TRPM2: variants seen among roughly 807,000 people sequenced by gnomAD.
TRPM2 encodes the protein transient receptor potential cation channel subfamily M member 2, also known as estrogen-responsive element-associated gene 1 protein.
In TRPM2, 161 loss-of-function variants were observed where a neutral mutation model predicts 174.0. The observed-to-expected ratio is 0.93, with a 90% CI of 0.81 to 1.05. TRPM2 has a LOEUF of 1.05. Ranked by LOEUF, TRPM2 falls within the 50% of genes least tolerant of loss-of-function variation. The probability of loss-of-function intolerance (pLI) is 0.00; values close to 1 mark genes in which losing one functional copy is unlikely to be tolerated. For missense variants in TRPM2, 2,057 were observed against 2,038.0 expected (o/e 1.01, Z -0.18); for synonymous variants, 954 against 861.3 (o/e 1.11, Z -1.88).
Position 44,425,713 on chromosome 21 carries a change from C to T in TRPM2, c.3681C>T (p.Gly1227=), listed in dbSNP as rs765132667. The T allele has an allele frequency of 1.9e-6, 3 of 1,563,870 alleles. No individual in the cohort carries two copies. The highest frequency in any genetic ancestry group is 1.2e-5 in the South Asian group (1 of 86,570). The change falls in exon 25 of 32, where the codon GGC becomes GGT. Residue 1227 remains glycine (G), a synonymous_variant. Coordinates refer to ENST00000397928, the MANE Select transcript of TRPM2 (RefSeq NM_003307.4). The stretch of plus-strand genomic sequence containing the variant: ...AGGAGCCGGATGCTGAGCCGGGAGG[C>T]AGGAAGAAGACGGAGGAGCCGGGCG... ...AAEEPDAEPG[G]RKKTEEPGDS...
At chr21:44,398,481 G>A (rs772151245) in intron 13 of TRPM2, among the ~76,000 whole-genome samples, 8 of 152,108 alleles carry the variant, frequency 5.3e-5, no homozygotes, top group Non-Finnish European at 1.0e-4. Context: ...GATTACAGGC[G>A]TGAACCACCA....
At position 44,422,150 on chromosome 21, in the gene TRPM2, C is replaced by A. The variant is rs139999835; in HGVS notation, c.3462-1495C>A. On this transcript the variant is annotated intron_variant, in intron 22 of 31. Coordinates refer to ENST00000397928, the MANE Select transcript of TRPM2 (RefSeq NM_003307.4). ...CCTCAGCCCGTACCAAGGGCCCTAG[C>A]CTGGTCACCGTCCCCTCCTCCAGTG... 2.7e-4 allele frequency: 328 copies of A among 1,198,990 alleles called. No individual in the cohort carries two copies. The African/African-American group carries it at 4.6e-3, about 17-fold the overall frequency. The allele number at this position is 1,198,990 out of a possible 1,614,324, so 74.3% of individuals were successfully genotyped here. A position where few individuals can be genotyped will look rare whatever the true frequency, so the allele number is the denominator to read the frequency against.
intron 23 of TRPM2, among the ~76,000 whole-genome samples, chr21:44,423,956 C>T (rs920999602): frequency 3.3e-5 from 5 of 152,316 alleles, no homozygotes; most frequent in South Asian, 4.1e-4. Flanking sequence ...TGCACTGAGG[C>T]CTCCACGGCC....
intron 25 of TRPM2, 39 bp from the exon 26 acceptor site, chr21:44,426,621 G>A (rs199895273): frequency 3.3e-4 from 524 of 1,608,476 alleles, no homozygotes; most frequent in Non-Finnish European, 4.0e-4. Context: ...TTTGCAGTGG[G>A]GGTAAAAATC....
chr21:44,384,497 C>A (rs552417715), intron 9 of TRPM2, among the ~76,000 whole-genome samples: 2 of 152,246 alleles, frequency 1.3e-5, no homozygotes, highest in African/African-American at 4.8e-5. Flanking sequence ...AGTAAGAAAG[C>A]AAGAGGGAGC....
chr21:44,363,000 C>T (rs1281008739), intron 2 of TRPM2, among the ~76,000 whole-genome samples: 1 of 152,198 alleles, frequency 6.6e-6, no homozygotes, highest in Non-Finnish European at 1.5e-5. Context: ...TCTCGAACTC[C>T]TGACCTTGTG....
intron 30 of TRPM2, 79 bp from the exon 31 acceptor site, chr21:44,440,710 A>G (rs1163974436): frequency 4.9e-6 from 6 of 1,212,362 alleles, no homozygotes; most frequent in Non-Finnish European, 7.3e-6. Context: ...GAGCTGGGTC[A>G]GGGTGGAGGG....
At chr21:44,427,601 G>A (rs1412492677) in intron 27 of TRPM2, among the ~76,000 whole-genome samples, 1 of 152,220 alleles carries the variant, frequency 6.6e-6, no homozygotes, top group East Asian at 1.9e-4. Flanking sequence ...AAGTGCCCTG[G>A]AAGGAAGGAG....
In TRPM2 at chr21:44,426,709, A is replaced by T. The variant is rs1401219164; in HGVS notation, c.3845A>T (p.Asp1282Val). ...CCCTTTTACACGGCAGAGAGGAAGG[A>T]CGCGGCCGCCATGGACCCCATGGGA... ...DPPFYTAERK[D>V]AAAMDPMGDT... is the part of the protein sequence containing the mutation. Residue 1282 changes from aspartate to valine, a missense_variant, in exon 26 of 32, where the codon GAC (aspartate) becomes GTC (valine). Coordinates refer to ENST00000397928, the MANE Select transcript of TRPM2 (RefSeq NM_003307.4). 2 of 1,613,934 alleles carry T rather than the reference A, an allele frequency of 1.2e-6. No individual in the cohort carries two copies. The highest frequency in any genetic ancestry group is 4.5e-5 in the East Asian group (2 of 44,884).
chr21:44,369,472 G>T, intron 5 of TRPM2, 129 bp downstream of exon 5: 1 of 1,052,662 alleles, frequency 9.5e-7, no homozygotes, highest in South Asian at 1.7e-5. Flanking sequence ...GGCGCTGTGG[G>T]GAGCAGGCGG....
chr21:44,406,756 T>C lies in TRPM2; in HGVS notation c.2953T>C (p.Tyr985His), dbSNP rs2049896798. Residue 985 changes from tyrosine to histidine, a missense_variant, in exon 19 of 32, where the codon TAC (tyrosine) becomes CAC (histidine). By Grantham distance (83) the Tyr-to-His change is moderately conservative. Transcript: ENST00000397928. ...YLTIFGQIPG[Y>H]IDGVNFNPEH... Reference sequence around the variant, plus strand: ...CACCATCTTCGGGCAGATCCCGGGCTACATCGACGGTAGGAGCCGGGCGCC... The same window carrying C: ...CACCATCTTCGGGCAGATCCCGGGCCACATCGACGGTAGGAGCCGGGCGCC... 1 of 1,603,466 alleles carries C rather than the reference T, an allele frequency of 6.2e-7. No homozygotes were observed. Among genetic ancestry groups the C allele is most frequent in the East Asian group, 2.2e-5 (1 of 44,618 alleles).
chr21:44,380,245 A>G (rs2048838680), intron 8 of TRPM2, among the ~76,000 whole-genome samples: 1 of 152,170 alleles, frequency 6.6e-6, no homozygotes, highest in Non-Finnish European at 1.5e-5. Context: ...CTCGTTCTGC[A>G]CAGATGTCTT....
chr21:44,412,210 ACTC>A (rs1376364645), intron 19 of TRPM2, among the ~76,000 whole-genome samples: 1 of 151,698 alleles, frequency 6.6e-6, no homozygotes, highest in East Asian at 1.9e-4. Context: ...TCACCAGTGA[ACTC>A]CTCTGAGTGT....
At position 44,366,688 on chromosome 21, in the gene TRPM2, T is replaced by C. The variant is rs1405417082; in HGVS notation, c.424-66T>C. On this transcript the variant is annotated intron_variant, in intron 3 of 31. Coordinates refer to ENST00000397928, the MANE Select transcript of TRPM2 (RefSeq NM_003307.4). The surrounding 1 kb of genome is among the most constrained non-coding windows in gnomAD (Gnocchi z 6.0). ...CGCTGGGGCCTCTCTGCATGGCCTG[T>C]GTGGGTCGGTGCTGTCCCTGACCAC... The C allele has an allele frequency of 1.2e-6, 2 of 1,607,910 alleles. No individual in the cohort carries two copies. Among genetic ancestry groups the C allele is most frequent in the Non-Finnish European group, 1.7e-6 (2 of 1,177,702 alleles).
intron 13 of TRPM2, 128 bp downstream of exon 13, chr21:44,398,004 T>C: frequency 8.4e-7 from 1 of 1,185,406 alleles, no homozygotes; most frequent in East Asian, 2.9e-5. Flanking sequence ...GCCTCAGCCC[T>C]GCACGCTTAC....
chr21:44,409,037 G>A lies in TRPM2; in HGVS notation c.2962+2272G>A, dbSNP rs142086865. On this transcript the variant is annotated intron_variant, in intron 19 of 31. Transcript: ENST00000397928. ...TTATTGAGTCGTAAGAGTTCTTTAC[G>A]TAAGGATGCCAGTCTCTTACCAAAG... Among the ~76,000 whole-genome samples, 670 of 152,124 alleles carry A rather than the reference G, an allele frequency of 4.4e-3. 5 individuals are homozygous for A. The highest frequency in any genetic ancestry group is 0.016 in the African/African-American group (649 of 41,510).
chr21:44,438,942 C>A lies in TRPM2; in HGVS notation c.4168-125C>A. On this transcript the variant is annotated intron_variant, in intron 29 of 31. Transcript: ENST00000397928. The surrounding 1 kb of genome is among the most constrained non-coding windows in gnomAD (Gnocchi z 5.9). ...TCACTGCAGCCTGAGATGCCGCCTG[C>A]CTGTGGCTCCCAGGGCTGGGCCGCT... 1.5e-6 allele frequency: 1 copy of A among 679,572 alleles called. No homozygotes were observed. 42.1% of individuals were successfully genotyped at this position (679,572 alleles called of 1,614,324 possible).
intron 16 of TRPM2, among the ~76,000 whole-genome samples, chr21:44,404,588 A>G (rs2049795156): frequency 1.3e-5 from 2 of 152,166 alleles, no homozygotes; most frequent in Admixed American, 6.5e-5. Flanking sequence ...CAATGTTCGG[A>G]TTTGCTGACC....
chr21:44,387,388 T>C (rs1057183434), intron 9 of TRPM2, among the ~76,000 whole-genome samples: 2 of 152,170 alleles, frequency 1.3e-5, no homozygotes, highest in Admixed American at 1.3e-4. Context: ...CCTAACACCA[T>C]ATACAAAAAC....
Sources: gnomAD v4.1 joint callset for allele counts (sites outside exome capture counted in the v4.1 genomes callset) on GRCh38, gnomAD v4.1.1 for gene constraint, Gnocchi (gnomAD v3.1) non-coding constraint, MANE v1.5 for transcripts, NCBI Gene and HGNC (gene_info 2026-07-23, HGNC 2026-07-21) for gene names.